Variants in ANO3 observed in about 807,000 individuals in gnomAD.
The protein encoded by ANO3 is anoctamin 3.
ANO3 carries 99 observed loss-of-function variants against 144.8 expected under a neutral mutation model. That is an observed-to-expected ratio of 0.68 (90% CI 0.58 to 0.81). The LOEUF (loss-of-function observed/expected upper bound fraction) is 0.81, where lower values mean the gene tolerates loss of function less well. Among genes scored for constraint, ANO3 ranks in the 30% least tolerant of loss-of-function variants. The pLI is 0.00. For missense variants in ANO3, 905 were observed against 1,202.2 expected, an observed-to-expected ratio of 0.75 and a Z score of 3.66; for synonymous variants, 414 against 392.6, an observed-to-expected ratio of 1.05 and a Z score of -0.64.
At chr11:26,656,089 A>G in intron 24 of ANO3, 36 bp from the exon 25 acceptor site, 1 of 1,470,826 alleles carries the variant, frequency 6.8e-7, no homozygotes. Context: ...AAACGTATGA[A>G]TCTTTGAATC....
At chr11:26,448,987 A>T (rs1298450270) in intron 3 of ANO3, among the ~76,000 whole-genome samples, 1 of 152,164 alleles carries the variant, frequency 6.6e-6, no homozygotes, top group Non-Finnish European at 1.5e-5. Flanking sequence ...TAATAAAAGG[A>T]AGATTAAATC....
chr11:26,228,362 C>T (rs1459015291), intron 1 of ANO3, among the ~76,000 whole-genome samples: 2 of 152,192 alleles, frequency 1.3e-5, no homozygotes, highest in Non-Finnish European at 2.9e-5. Flanking sequence ...GTGCCAGGGT[C>T]CTGTCTGTGC....
chr11:26,231,301 T>A (rs1292773363), intron 1 of ANO3, among the ~76,000 whole-genome samples: 2 of 152,174 alleles, frequency 1.3e-5, no homozygotes, highest in Non-Finnish European at 2.9e-5. Context: ...CTTTGGAGAA[T>A]GTGTTCTAGT....
intron 5 of ANO3, among the ~76,000 whole-genome samples, chr11:26,515,261 A>G (rs1177199445): frequency 6.6e-6 from 1 of 152,028 alleles, no homozygotes; most frequent in African/African-American, 2.4e-5. Flanking sequence ...GCAAAATACT[A>G]GTGTCTCAGT....
intron 1 of ANO3, among the ~76,000 whole-genome samples, chr11:26,321,719 T>C (rs1854766083): frequency 6.6e-6 from 1 of 152,046 alleles, no homozygotes; most frequent in African/African-American, 2.4e-5. Context: ...AAATAAGAAG[T>C]CTGATGTCAA....
intron 4 of ANO3, among the ~76,000 whole-genome samples, chr11:26,478,812 A>T (rs1860083984): frequency 6.6e-6 from 1 of 152,126 alleles, no homozygotes; most frequent in African/African-American, 2.4e-5. Flanking sequence ...CTCTTCTCAG[A>T]CCACACATAA....
At chr11:26,255,741 T>C (rs1853042322) in intron 1 of ANO3, among the ~76,000 whole-genome samples, 1 of 152,154 alleles carries the variant, frequency 6.6e-6, no homozygotes, top group Non-Finnish European at 1.5e-5. Flanking sequence ...TTTATTTGTT[T>C]ATACATTAAT....
chr11:26,306,269 C>T (rs1313075974), upstream of ANO3, among the ~76,000 whole-genome samples: 13 of 151,970 alleles, frequency 8.6e-5, no homozygotes, highest in Non-Finnish European at 4.4e-5. Flanking sequence ...CCACCGCTCC[C>T]GGCCTATTCT....
At chr11:26,505,452 T>C (rs1335844260) in intron 4 of ANO3, among the ~76,000 whole-genome samples, 1 of 152,188 alleles carries the variant, frequency 6.6e-6, no homozygotes, top group African/African-American at 2.4e-5. Context: ...GGTCAACATA[T>C]AGATGGTTAT....
In ANO3 at chr11:26,219,928, A is replaced by T. The variant is rs114228178; in HGVS notation, c.154+30598A>T. Among the ~76,000 whole-genome samples, 156 of 152,314 alleles carry T rather than the reference A, an allele frequency of 1.0e-3. 1 individual carries two copies. Among genetic ancestry groups the T allele is most frequent in the African/African-American group, 3.6e-3 (148 of 41,582 alleles). On this transcript the variant is annotated intron_variant, in intron 1 of 27. Coordinates refer to the ANO3 transcript ENST00000672621. ...TTTTACACCCTGAGTGCCACTTGGC[A>T]TGCTGAACTCAAATATTACAGAACT...
intron 4 of ANO3, among the ~76,000 whole-genome samples, chr11:26,498,302 C>T (rs1861047762): frequency 6.6e-6 from 1 of 151,642 alleles, no homozygotes; most frequent in African/African-American, 2.4e-5. Flanking sequence ...GGGTGTATAC[C>T]ATTTTATGAT....
chr11:26,451,282 CA>C (rs1269166238), intron 3 of ANO3, among the ~76,000 whole-genome samples: 1 of 152,200 alleles, frequency 6.6e-6, no homozygotes, highest in African/African-American at 2.4e-5. Flanking sequence ...CAGGGCAAGG[CA>C]TTGCCTCACT....
chr11:26,617,901 C>T lies in ANO3; in HGVS notation c.1837-6561C>T, dbSNP rs936941900. 2.6e-4 allele frequency among the ~76,000 whole-genome samples: 40 copies of T among 152,276 alleles called. 1 individual carries two copies. The highest frequency in any genetic ancestry group is 8.2e-4 in the African/African-American group (34 of 41,562). Reference sequence around the variant, plus strand: ...ATAGCCCTCTGATCACCTGAATATACAGGATTAACCTATGGATTTAATCAA... The same window carrying T: ...ATAGCCCTCTGATCACCTGAATATATAGGATTAACCTATGGATTTAATCAA... On this transcript the variant is annotated intron_variant, in intron 17 of 26. Transcript: ENST00000256737.
intron 7 of ANO3, among the ~76,000 whole-genome samples, chr11:26,528,338 T>C (rs1164866205): frequency 6.6e-6 from 1 of 152,154 alleles, no homozygotes; most frequent in Non-Finnish European, 1.5e-5. Flanking sequence ...GTATTCAAAT[T>C]TAGGCCAACC....
intron 7 of ANO3, among the ~76,000 whole-genome samples, chr11:26,530,705 AT>A (rs1354257587): frequency 6.6e-6 from 1 of 151,952 alleles, no homozygotes; most frequent in Admixed American, 6.6e-5. Flanking sequence ...CCAAAAAAAA[AT>A]AAAAATAAAA....
chr11:26,360,256 C>G (rs1590291064), intron 1 of ANO3, among the ~76,000 whole-genome samples: 1 of 136,658 alleles, frequency 7.3e-6, no homozygotes, highest in African/African-American at 2.8e-5. Flanking sequence ...GGTTTTCCCT[C>G]TGTCTTTCAC....
At chr11:26,332,469 C>A (rs1329377632) in intron 1 of ANO3, 148 bp downstream of exon 1, 11 of 732,894 alleles carry the variant, frequency 1.5e-5, no homozygotes, top group Non-Finnish European at 2.5e-5. Context: ...AATTAAATTC[C>A]TCTTCACTCT....
intron 4 of ANO3, among the ~76,000 whole-genome samples, chr11:26,482,984 C>T (rs1860284875): frequency 6.6e-6 from 1 of 152,054 alleles, no homozygotes; most frequent in South Asian, 2.1e-4. Flanking sequence ...TATTGATGGA[C>T]ACTTGATTAC....
At chr11:26,335,995 G>T (rs1855183977) in intron 1 of ANO3, among the ~76,000 whole-genome samples, 1 of 152,156 alleles carries the variant, frequency 6.6e-6, no homozygotes, top group Non-Finnish European at 1.5e-5. Flanking sequence ...TGGGGAGGGG[G>T]AGGCAGTCTG....
Sources: gnomAD v4.1 joint callset for allele counts (sites outside exome capture counted in the v4.1 genomes callset) on GRCh38, gnomAD v4.1.1 for gene constraint, MANE v1.5 for transcripts, NCBI Gene and HGNC (gene_info 2026-07-23, HGNC 2026-07-21) for gene names.